XKR4: variants seen among roughly 807,000 people sequenced by gnomAD.
XKR4 encodes XK-related protein 4.
A neutral mutation model predicts 53.9 loss-of-function variants in XKR4; 12 were observed. That is an observed-to-expected ratio of 0.22 (90% CI 0.14 to 0.36). XKR4 has a LOEUF of 0.36. Among genes scored for constraint, XKR4 ranks in the 10% least tolerant of loss-of-function variants. The pLI is 1.00. For missense variants in XKR4, 799 were observed against 859.5 expected (o/e 0.93, Z 0.88); for synonymous variants, 354 against 362.4 (o/e 0.98, Z 0.26).
chr8:55,363,728 C>A (rs1483597969), intron 2 of XKR4, among the ~76,000 whole-genome samples: 2 of 152,202 alleles, frequency 1.3e-5, no homozygotes, highest in Non-Finnish European at 2.9e-5. Context: ...TTCTAATGTG[C>A]TTGCCCCTAC....
At chr8:55,392,156 C>G (rs1016474850) in intron 2 of XKR4, among the ~76,000 whole-genome samples, 1 of 152,056 alleles carries the variant, frequency 6.6e-6, no homozygotes, top group African/African-American at 2.4e-5. Context: ...TATGGATGTC[C>G]TCTAAAAAGG....
intron 1 of XKR4, among the ~76,000 whole-genome samples, chr8:55,282,166 C>T (rs1818853023): frequency 6.6e-6 from 1 of 152,164 alleles, no homozygotes; most frequent in African/African-American, 2.4e-5. Context: ...ATAATACAGT[C>T]ATGTACTGCA....
At chr8:55,128,565 T>A (rs1816509258) in intron 1 of XKR4, among the ~76,000 whole-genome samples, 1 of 152,176 alleles carries the variant, frequency 6.6e-6, no homozygotes, top group Non-Finnish European at 1.5e-5. Flanking sequence ...TTCAGTTACT[T>A]CATCTTGTAA....
chr8:55,460,665 G>A (rs552852654), intron 2 of XKR4, among the ~76,000 whole-genome samples: 162 of 152,302 alleles, frequency 1.1e-3, no homozygotes, highest in Non-Finnish European at 1.6e-3. Context: ...CCAAGCATGA[G>A]CCGAAGCAGG....
At chr8:55,333,485 T>A (rs1369817941) in intron 1 of XKR4, among the ~76,000 whole-genome samples, 1 of 152,136 alleles carries the variant, frequency 6.6e-6, no homozygotes, top group Non-Finnish European at 1.5e-5. Context: ...TTCCCCCATA[T>A]ACATGGCTGC....
chr8:55,126,017 A>G (rs1816463298), intron 1 of XKR4, among the ~76,000 whole-genome samples: 1 of 152,132 alleles, frequency 6.6e-6, no homozygotes, highest in African/African-American at 2.4e-5. Flanking sequence ...TTTTATGAGC[A>G]GTTATTATAG....
In XKR4 at chr8:55,357,831, G is replaced by A. The variant is rs763214246; in HGVS notation, c.960G>A (p.Leu320=). The A allele has an allele frequency of 3.7e-6, 6 of 1,614,026 alleles. No individual in the cohort carries two copies. Among genetic ancestry groups the A allele is most frequent in the Non-Finnish European group, 5.1e-6 (6 of 1,180,026 alleles). ...TGGAAAGTGCTCCACAGCTGGTCCTGCAGCTCTGCATTATCGTACAGACTC... is the reference window on the plus strand; with the variant it reads ...TGGAAAGTGCTCCACAGCTGGTCCTACAGCTCTGCATTATCGTACAGACTC... ...TFLESAPQLV[L]QLCIIVQTHS... The change falls in exon 2 of 3, where the codon CTG becomes CTA. Residue 320 remains leucine, a synonymous_variant. Transcript: ENST00000327381.
chr8:55,202,449 G>C (rs1817588363), intron 1 of XKR4, among the ~76,000 whole-genome samples: 1 of 152,224 alleles, frequency 6.6e-6, no homozygotes, highest in Admixed American at 6.5e-5. Context: ...TTCATCTTCA[G>C]TGCCTTCCAG....
At chr8:55,312,687 G>A (rs1819405902) in intron 1 of XKR4, among the ~76,000 whole-genome samples, 1 of 152,268 alleles carries the variant, frequency 6.6e-6, no homozygotes, top group South Asian at 2.1e-4. Context: ...ATCTTATTTA[G>A]AAGTATTCTC....
At chr8:55,392,054 T>A (rs1012203256) in intron 2 of XKR4, among the ~76,000 whole-genome samples, 1 of 152,168 alleles carries the variant, frequency 6.6e-6, no homozygotes, top group Non-Finnish European at 1.5e-5. Flanking sequence ...AAGCATAAGA[T>A]GAAAGAAGGT....
chr8:55,387,303 C>A (rs1656242187), intron 2 of XKR4, among the ~76,000 whole-genome samples: 1 of 152,292 alleles, frequency 6.6e-6, no homozygotes, highest in African/African-American at 2.4e-5. Context: ...TCTGCCATTT[C>A]ACTCTTGCTG....
At chr8:55,244,293 C>T (rs926348478) in intron 1 of XKR4, among the ~76,000 whole-genome samples, 2 of 152,150 alleles carry the variant, frequency 1.3e-5, no homozygotes, top group East Asian at 1.9e-4. Context: ...GTTTAGCTGC[C>T]ACTTATAAGC....
At chr8:55,303,228 G>A (rs1025161251) in intron 1 of XKR4, among the ~76,000 whole-genome samples, 1 of 152,126 alleles carries the variant, frequency 6.6e-6, no homozygotes, top group Non-Finnish European at 1.5e-5. Flanking sequence ...TTTTGTCAAA[G>A]GACTTTTCTG....
chr8:55,398,974 A>G (rs1804560869), intron 2 of XKR4, among the ~76,000 whole-genome samples: 2 of 152,198 alleles, frequency 1.3e-5, no homozygotes, highest in Admixed American at 6.5e-5. Flanking sequence ...TGAATTTCAT[A>G]ATATTTCAAA....
intron 2 of XKR4, among the ~76,000 whole-genome samples, chr8:55,514,892 T>C (rs1806687920): frequency 6.6e-6 from 1 of 152,184 alleles, no homozygotes; most frequent in African/African-American, 2.4e-5. Context: ...TCAGAGAAAG[T>C]ATTGTTTAGA....
intron 2 of XKR4, among the ~76,000 whole-genome samples, chr8:55,421,508 A>T (rs1482917163): frequency 6.6e-6 from 1 of 152,130 alleles, no homozygotes; most frequent in African/African-American, 2.4e-5. Context: ...GGAGACATCC[A>T]GGCATCGCAC....
chr8:55,423,081 G>T (rs888784595), intron 2 of XKR4, among the ~76,000 whole-genome samples: 3 of 151,048 alleles, frequency 2.0e-5, no homozygotes, highest in Admixed American at 6.6e-5. Context: ...GAAAGTTATC[G>T]TAAAGCCAAA....
At chr8:55,179,256 A>G (rs1032665146) in intron 1 of XKR4, among the ~76,000 whole-genome samples, 1 of 151,674 alleles carries the variant, frequency 6.6e-6, no homozygotes, top group Non-Finnish European at 1.5e-5. Flanking sequence ...TGGTTTAACT[A>G]CAACTCTGTC....
intron 2 of XKR4, among the ~76,000 whole-genome samples, chr8:55,407,758 T>C (rs1804708832): frequency 6.6e-6 from 1 of 152,268 alleles, no homozygotes; most frequent in Non-Finnish European, 1.5e-5. Flanking sequence ...CAAAGGCTGC[T>C]TTCTTCTTGT....
Sources: gnomAD v4.1 joint callset for allele counts (sites outside exome capture counted in the v4.1 genomes callset) on GRCh38, gnomAD v4.1.1 for gene constraint, MANE v1.5 for transcripts, NCBI Gene and HGNC (gene_info 2026-07-23, HGNC 2026-07-21) for gene names.